HYDIN: variants seen among roughly 807,000 people sequenced by gnomAD.
The protein encoded by HYDIN is HYDIN axonemal central pair apparatus protein.
Under a neutral mutation model 403.9 loss-of-function variants are expected in HYDIN, and 132 were observed. The observed-to-expected ratio is 0.33, with a 90% confidence interval of 0.28 to 0.38. The LOEUF (loss-of-function observed/expected upper bound fraction) is 0.38. Among genes scored for constraint, HYDIN ranks in the 10% least tolerant of loss-of-function variants. The pLI, the probability that HYDIN is intolerant of heterozygous loss-of-function variation, is 1.00. For missense variants in HYDIN, 2,827 were observed against 5,009.5 expected, an observed-to-expected ratio of 0.56 and a Z score of 13.15; for synonymous variants, 1,202 against 1,891.7, an observed-to-expected ratio of 0.64 and a Z score of 9.46.
chr16:70,884,712 AAAC>A (rs2041022925), intron 58 of HYDIN, among the ~76,000 whole-genome samples: 1 of 147,678 alleles, frequency 6.8e-6, no homozygotes, highest in South Asian at 2.2e-4. Context: ...AAACAAAACA[AAAC>A]AAAACAAAAC....
chr16:71,177,260 T>C (rs1869707115), intron 4 of HYDIN, among the ~76,000 whole-genome samples: 1 of 152,180 alleles, frequency 6.6e-6, no homozygotes. Context: ...AGAGGATGCT[T>C]TGGACTGTAC....
chr16:71,184,348 A>T (rs559189357), intron 3 of HYDIN, among the ~76,000 whole-genome samples: 1 of 152,140 alleles, frequency 6.6e-6, no homozygotes, highest in Non-Finnish European at 1.5e-5. Context: ...CTATAATCAC[A>T]TGCTCCTAAA....
intron 23 of HYDIN, among the ~76,000 whole-genome samples, chr16:71,004,482 G>T (rs191844091): frequency 4.4e-3 from 666 of 152,238 alleles, no homozygotes; most frequent in Non-Finnish European, 8.3e-3. Context: ...ATGATCATAT[G>T]TTTTTTCTTC....
At chr16:71,007,488 C>T (rs2079926390) in intron 23 of HYDIN, among the ~76,000 whole-genome samples, 1 of 151,988 alleles carries the variant, frequency 6.6e-6, no homozygotes, top group Admixed American at 6.6e-5. Context: ...AGGGGCTTTG[C>T]AGTCAGTGCA....
chr16:71,110,712 G>C (rs1446217188), intron 10 of HYDIN, among the ~76,000 whole-genome samples: 2 of 149,968 alleles, frequency 1.3e-5, no homozygotes, highest in East Asian at 3.9e-4. Flanking sequence ...GCTTGGGTCA[G>C]GGAGCCCATA....
intron 8 of HYDIN, among the ~76,000 whole-genome samples, chr16:71,134,219 T>C (rs1303539016): frequency 6.6e-6 from 1 of 152,042 alleles, no homozygotes; most frequent in African/African-American, 2.4e-5. Flanking sequence ...ATTAGCATTA[T>C]TGAAGCGATC....
Position 71,203,280 on chromosome 16 carries a change from CCTAA to C in HYDIN, c.-23-16366_-23-16363del, listed in dbSNP as rs553300026. 9.2e-4 allele frequency among the ~76,000 whole-genome samples: 140 copies of C among 152,252 alleles called. 3 individuals carry two copies. In the South Asian group the frequency reaches 0.028, roughly 30 times the overall value. ...TTGATCCTGTGAACCATCCTAGTGT[CCTAA>C]CTAAACGGACTAATAAATTTATTAT... On this transcript the variant is annotated intron_variant, in intron 1 of 85. Coordinates refer to ENST00000393567, the MANE Select transcript of HYDIN (RefSeq NM_001270974.2).
intron 41 of HYDIN, among the ~76,000 whole-genome samples, chr16:70,945,140 G>T (rs1228259808): frequency 2.0e-5 from 3 of 152,242 alleles, no homozygotes; most frequent in African/African-American, 7.2e-5. Flanking sequence ...CAGGGCAGGA[G>T]ATGATGGCAA....
intron 73 of HYDIN, among the ~76,000 whole-genome samples, chr16:70,851,184 T>C (rs990915570): frequency 2.8e-5 from 2 of 71,874 alleles, no homozygotes; most frequent in Admixed American, 2.1e-4. Context: ...AATCGACAAG[T>C]GGGACCCAAT....
intron 52 of HYDIN, among the ~76,000 whole-genome samples, chr16:70,902,821 A>ATATTTTTTTTT: frequency 2.1e-3 from 97 of 47,220 alleles, no homozygotes; most frequent in African/African-American, 8.1e-3. Flanking sequence ...ATATATATAT[A>ATATTTTTTTTT]TTTTTTTTTT....
intron 84 of HYDIN, among the ~76,000 whole-genome samples, chr16:70,817,709 C>T (rs1436485645): frequency 6.6e-6 from 1 of 152,112 alleles, no homozygotes; most frequent in African/African-American, 2.4e-5. Context: ...TTCCTTTTCA[C>T]CACACCTATT....
At position 71,020,085 on chromosome 16, in the gene HYDIN, G is replaced by A. The variant is rs553971153; in HGVS notation, c.3330+89C>T. Reference sequence around the variant, plus strand: ...ATCCTTTACATCTTTCTGAGCTGAAGTTGGGTGGTGTATCATTACTCTTCT... The same window carrying A: ...ATCCTTTACATCTTTCTGAGCTGAAATTGGGTGGTGTATCATTACTCTTCT... On this transcript the variant is annotated intron_variant, in intron 22 of 85. Coordinates refer to ENST00000393567, the MANE Select transcript of HYDIN (RefSeq NM_001270974.2). 2.5e-6 allele frequency: 3 copies of A among 1,177,446 alleles called. No individual in the cohort carries two copies. In the East Asian group the frequency reaches 7.6e-5, roughly 30 times the overall value. The allele number at this position is 1,177,446 out of a possible 1,614,324, so 72.9% of individuals were successfully genotyped here.
intron 75 of HYDIN, among the ~76,000 whole-genome samples, chr16:70,849,155 G>A (rs1445274481): frequency 6.6e-5 from 10 of 151,978 alleles, no homozygotes; most frequent in Admixed American, 6.6e-4. Context: ...CCAAATTGTT[G>A]GTTTTCAAGG....
At chr16:71,109,471 A>G (rs2144438134) in intron 10 of HYDIN, among the ~76,000 whole-genome samples, 1 of 135,970 alleles carries the variant, frequency 7.4e-6, no homozygotes, top group South Asian at 2.2e-4. Flanking sequence ...AAAACAAGGG[A>G]AGGAGATTTT....
chr16:70,835,465 C>T (rs941234549), intron 78 of HYDIN, among the ~76,000 whole-genome samples: 7 of 152,138 alleles, frequency 4.6e-5, no homozygotes, highest in African/African-American at 9.7e-5. Flanking sequence ...AAATAATGTT[C>T]GTTTTCACAA....
intron 37 of HYDIN, 111 bp downstream of exon 37, chr16:70,964,617 C>T: frequency 1.6e-6 from 1 of 621,296 alleles, no homozygotes; most frequent in South Asian, 1.9e-5. Context: ...GCAGGCAGCA[C>T]CTGCCTGGCA....
In HYDIN at chr16:71,069,272, T is replaced by C. The variant is rs1274733066; in HGVS notation, c.1969A>G (p.Ile657Val). Residue 657 changes from isoleucine (I) to valine (V), a missense_variant, in exon 14 of 86, where the codon ATC (isoleucine) becomes GTC (valine). Coordinates refer to ENST00000393567, the MANE Select transcript of HYDIN (RefSeq NM_001270974.2). ...GTIRPQGFAA[I>V]RVTLCSNTVQ... ...AGGAAGGCCATGCACTTTACCCTGA[T>C]AGCAGCAAATCCCTGGGGGCGAATG... The C allele has an allele frequency of 2.5e-6, 4 of 1,612,662 alleles. No individual in the cohort carries two copies. Among genetic ancestry groups the C allele is most frequent in the Non-Finnish European group, 3.4e-6 (4 of 1,179,518 alleles).
In HYDIN at chr16:71,187,665, C is replaced by T. The variant is rs739686; in HGVS notation, c.-23-747G>A. Reference sequence around the variant, plus strand: ...AAACCATTAAAAACAAACAAACAAACAAACAAACAAAAACCTCACAAGACA... The same window carrying T: ...AAACCATTAAAAACAAACAAACAAATAAACAAACAAAAACCTCACAAGACA... On this transcript the variant is annotated intron_variant, in intron 1 of 85. Transcript: ENST00000393567. Among the ~76,000 whole-genome samples, 1,201 of 151,888 alleles carry T rather than the reference C, an allele frequency of 7.9e-3. 24 individuals carry two copies. Among genetic ancestry groups the T allele is most frequent in the Admixed American group, 0.041 (625 of 15,258 alleles).
chr16:70,918,397 T>C lies in HYDIN; in HGVS notation c.7818A>G (p.Gly2606=), dbSNP rs1217938780. 1 of 713,502 alleles carries C rather than the reference T, an allele frequency of 1.4e-6. No individual in the cohort carries two copies. The highest frequency in any genetic ancestry group is 1.9e-5 in the South Asian group (1 of 52,132). 44.2% of individuals were successfully genotyped at this position (713,502 alleles called of 1,614,324 possible). Residue 2606 remains glycine, a synonymous_variant, in exon 47 of 86, where the codon GGA becomes GGG. Transcript: ENST00000393567. ...ATAAGGCGGGAGGCGGGATGGGTGG[T>C]CCGGAGGCACCCAGACCCAAGATGT... ...ILDILGLGAS[G]PPIPPPALFS...
Sources: allele counts gnomAD v4.1 joint callset (sites outside exome capture counted in the v4.1 genomes callset), GRCh38; gene constraint gnomAD v4.1.1; transcripts MANE v1.5; gene names NCBI Gene and HGNC (gene_info 2026-07-23, HGNC 2026-07-21).